The following RASA3 variants were observed in gnomAD, a reference collection of about 807,000 sequenced individuals.
RASA3 encodes the protein RAS p21 protein activator 3.
In RASA3, 73 loss-of-function variants were observed where a neutral mutation model predicts 110.0. That is an observed-to-expected ratio of 0.66 (90% CI 0.55 to 0.81). The LOEUF (loss-of-function observed/expected upper bound fraction) is 0.81. Among genes scored for constraint, RASA3 ranks in the 30% least tolerant of loss-of-function variants. The pLI, the probability that RASA3 is intolerant of heterozygous loss-of-function variation, is 0.00. For missense variants in RASA3, 976 were observed against 1,113.2 expected (o/e 0.88, Z 1.75); for synonymous variants, 500 against 451.4 (o/e 1.11, Z -1.37).
At position 114,014,797 on chromosome 13, in the gene RASA3, C is replaced by T. The variant is rs2053752404; in HGVS notation, c.1405+412G>A. 6.6e-6 allele frequency among the ~76,000 whole-genome samples: 1 copy of T among 152,082 alleles called. No individual in the cohort carries two copies. The highest frequency in any genetic ancestry group is 6.5e-5 in the Admixed American group (1 of 15,276). ...CACTCTGGGCCCTGCCAGGGTCGGCCACAAAAAGAAACCACTGGGAAAACC... is the reference window on the plus strand; with the variant it reads ...CACTCTGGGCCCTGCCAGGGTCGGCTACAAAAAGAAACCACTGGGAAAACC... On this transcript the variant is annotated intron_variant, in intron 14 of 23. Coordinates refer to ENST00000334062, the MANE Select transcript of RASA3 (RefSeq NM_007368.4). This position sits in a 1 kb window ranked among gnomAD's most constrained non-coding sequence, Gnocchi z 4.5.
In RASA3 at chr13:113,992,551, C is replaced by G; in HGVS notation, c.2179G>C (p.Asp727His). ...GAGTAGATACGCTCCGTCTCACGGT[C>G]CCCATCAATGTCCAGCTGGATGTTG... ...PANIQLDIDG[D>H]RETERIYSLF... The change falls in exon 22 of 24, where the codon GAC becomes CAC. Residue 727 changes from aspartate to histidine, a missense_variant. This residue lies in a region of RASA3 where 132 missense variants were observed against 152.8 expected (regional missense o/e 0.86). Coordinates refer to ENST00000334062, the MANE Select transcript of RASA3 (RefSeq NM_007368.4). 6.2e-7 allele frequency: 1 copy of G among 1,613,592 alleles called. No individual in the cohort carries two copies. The highest frequency in any genetic ancestry group is 2.2e-5 in the East Asian group (1 of 44,888).
intron 3 of RASA3, 29 bp downstream of exon 3, chr13:114,052,023 G>C (rs966532716): frequency 6.6e-7 from 1 of 1,509,004 alleles, no homozygotes; most frequent in Non-Finnish European, 9.2e-7. Flanking sequence ...AGGCAGAAAA[G>C]GGGAAGTAAA....
chr13:114,044,743 A>C (rs892077929), intron 3 of RASA3, among the ~76,000 whole-genome samples: 1 of 151,432 alleles, frequency 6.6e-6, no homozygotes, highest in Non-Finnish European at 1.5e-5. Context: ...AATATATTTC[A>C]GTGAAAAGGG....
intron 1 of RASA3, chr13:114,077,699 G>A (rs1042659472): frequency 9.2e-6 from 5 of 542,750 alleles, no homozygotes; most frequent in Non-Finnish European, 1.2e-5. Flanking sequence ...CCCCGCACTG[G>A]CACCAAGGCA....
At chr13:114,027,297 G>A in intron 7 of RASA3, 92 bp downstream of exon 7, 2 of 1,125,934 alleles carry the variant, frequency 1.8e-6, no homozygotes, top group Non-Finnish European at 2.6e-6. Flanking sequence ...CTTCCAGAGG[G>A]AAGAGACTGA....
At chr13:114,089,547 T>C (rs1394948252) in intron 1 of RASA3, among the ~76,000 whole-genome samples, 1 of 151,968 alleles carries the variant, frequency 6.6e-6, no homozygotes, top group African/African-American at 2.4e-5. Flanking sequence ...GCAGAAGAGT[T>C]GCCCGGTGAC....
intron 3 of RASA3, among the ~76,000 whole-genome samples, chr13:114,050,792 G>A (rs61973895): frequency 5.3e-4 from 81 of 152,344 alleles, no homozygotes; most frequent in Admixed American, 2.7e-3. Flanking sequence ...ACTAGCTGCC[G>A]GCCGCCCAGT....
chr13:114,012,814 C>T (rs1199867239), intron 15 of RASA3, among the ~76,000 whole-genome samples: 1 of 105,154 alleles, frequency 9.5e-6, no homozygotes, highest in Non-Finnish European at 1.8e-5. Flanking sequence ...TCCACACACT[C>T]CTCATTCCAC....
intron 4 of RASA3, among the ~76,000 whole-genome samples, chr13:114,039,164 A>T (rs2054341373): frequency 6.6e-6 from 1 of 152,200 alleles, no homozygotes; most frequent in Admixed American, 6.5e-5. Flanking sequence ...CTGTGGTACC[A>T]GCTGAGGACC....
intron 1 of RASA3, among the ~76,000 whole-genome samples, chr13:114,118,736 T>C (rs2080328029): frequency 6.6e-6 from 1 of 152,258 alleles, no homozygotes; most frequent in East Asian, 1.9e-4. Flanking sequence ...TCCACAAATC[T>C]ATGATGAATT....
At chr13:113,999,735 A>C in intron 19 of RASA3, 68 bp from the exon 20 acceptor site, 1 of 1,081,874 alleles carries the variant, frequency 9.2e-7, no homozygotes, top group Non-Finnish European at 1.3e-6. Flanking sequence ...GGTGGGGCTG[A>C]GGGGTCTCTG....
intron 2 of RASA3, 24 bp downstream of exon 2, chr13:114,073,696 A>C: frequency 6.4e-7 from 1 of 1,561,366 alleles, no homozygotes; most frequent in Non-Finnish European, 8.8e-7. Flanking sequence ...CATCAGTGCC[A>C]AGTAAAGCAA....
At chr13:114,042,024 C>T (rs1224518944) in intron 3 of RASA3, among the ~76,000 whole-genome samples, 10 of 152,206 alleles carry the variant, frequency 6.6e-5, no homozygotes, top group Non-Finnish European at 5.9e-5. Flanking sequence ...TTTGGGGCTA[C>T]GCTTCCAGTG....
At position 114,016,268 on chromosome 13, in the gene RASA3, A is replaced by G. The variant is rs761285614; in HGVS notation, c.1210T>C (p.Cys404Arg). The stretch of plus-strand genomic sequence containing the variant: ...ATTTCACAGGGTTTGTGGCTCTGGC[A>G]TATCTGGGGAGAGGTTTAAGACAGG... The part of the protein sequence containing the change: ...VTLKPAIEEI[C>R]QSHKPCEIDP... The change falls in exon 13 of 24, where the codon TGC (cysteine) becomes CGC (arginine). Residue 404 changes from cysteine (C) to arginine (R), a missense_variant. Around this residue, in one of 4 missense-constraint regions of RASA3, gnomAD observed 732 missense variants for 779.7 expected, o/e 0.94. Coordinates refer to ENST00000334062, the MANE Select transcript of RASA3 (RefSeq NM_007368.4). 44 of 1,587,538 alleles carry G rather than the reference A, an allele frequency of 2.8e-5. No homozygotes were observed. The Middle Eastern group carries it at 8.3e-4, about 30-fold the overall frequency.
At chr13:114,070,622 G>A (rs546838331) in intron 2 of RASA3, among the ~76,000 whole-genome samples, 4 of 151,270 alleles carry the variant, frequency 2.6e-5, no homozygotes, top group East Asian at 3.9e-4. Context: ...AGTGTTACAC[G>A]TGGGCAGGGC....
chr13:114,077,907 A>C (rs1252590710), intron 1 of RASA3: 7 of 985,166 alleles, frequency 7.1e-6, no homozygotes, highest in Non-Finnish European at 8.4e-6. Flanking sequence ...ACAAAATGCA[A>C]GCCCATTTCC....
intron 1 of RASA3, among the ~76,000 whole-genome samples, chr13:114,079,450 C>A (rs995058184): frequency 6.6e-6 from 1 of 152,188 alleles, no homozygotes; most frequent in African/African-American, 2.4e-5. Context: ...GTCGTCCCAA[C>A]GCAAAACATT....
intron 2 of RASA3, among the ~76,000 whole-genome samples, chr13:114,064,814 C>G (rs1188717709): frequency 6.6e-6 from 1 of 152,250 alleles, no homozygotes; most frequent in Non-Finnish European, 1.5e-5. Flanking sequence ...GGATGAATGC[C>G]TGGCCCAGGC....
At chr13:114,035,242 G>C (rs1016343782) in intron 4 of RASA3, among the ~76,000 whole-genome samples, 2 of 152,240 alleles carry the variant, frequency 1.3e-5, no homozygotes, top group Non-Finnish European at 2.9e-5. Context: ...AGGCTACTAA[G>C]AGCAAAAGGG....
Sources: gnomAD v4.1 joint callset for allele counts (sites outside exome capture counted in the v4.1 genomes callset) on GRCh38, gnomAD v4.1.1 for gene constraint, gnomAD v4.1.1 regional missense constraint, Gnocchi (gnomAD v3.1) non-coding constraint, MANE v1.5 for transcripts, NCBI Gene and HGNC (gene_info 2026-07-23, HGNC 2026-07-21) for gene names.